The following JARID2 variants were observed in gnomAD, a reference collection of about 807,000 sequenced individuals.
JARID2 encodes jumonji and AT-rich interaction domain containing 2.
A neutral mutation model predicts 125.6 loss-of-function variants in JARID2; 21 were observed. The ratio of observed to expected loss-of-function variants is 0.17; its 90% CI spans 0.12 to 0.24. JARID2 has a LOEUF of 0.24. Ranked by LOEUF, JARID2 falls within the 10% of genes least tolerant of loss-of-function variation. The probability of loss-of-function intolerance (pLI) is 1.00; values close to 1 mark genes in which losing one functional copy is unlikely to be tolerated. For missense variants in JARID2, 1,303 were observed against 1,639.6 expected (o/e 0.79, Z 3.55); for synonymous variants, 736 against 661.6 (o/e 1.11, Z -1.73).
intron 1 of JARID2, among the ~76,000 whole-genome samples, chr6:15,319,984 C>A (rs554324847): frequency 2.0e-5 from 3 of 152,170 alleles, no homozygotes; most frequent in Admixed American, 2.0e-4. Flanking sequence ...TTCAGCCATA[C>A]GCTTGTTAGG....
At chr6:15,433,410 C>CTCTCTG (rs1241800597) in intron 3 of JARID2, among the ~76,000 whole-genome samples, 68 of 143,522 alleles carry the variant, frequency 4.7e-4, no homozygotes, top group African/African-American at 1.1e-3. Context: ...CCATGTCTCT[C>CTCTCTG]TGTGTGTGTG....
At chr6:15,349,648 T>C (rs1439251696) in intron 1 of JARID2, among the ~76,000 whole-genome samples, 1 of 152,042 alleles carries the variant, frequency 6.6e-6, no homozygotes, top group Non-Finnish European at 1.5e-5. Flanking sequence ...AAGGAAGGGA[T>C]TCCATGAAGG....
rs780593636 is a variant in JARID2 at position 15,496,672 on chromosome 6, G to C, written c.1447G>C (p.Gly483Arg). ...CCCGGCCGAGAGAGGTCTGCTGAACGGACACGTGAAGAAGGAAGTGCCGGA... is the reference window on the plus strand; with the variant it reads ...CCCGGCCGAGAGAGGTCTGCTGAACCGACACGTGAAGAAGGAAGTGCCGGA... The part of the protein sequence containing the change: ...KAPAERGLLN[G>R]HVKKEVPERS... The change falls in exon 7 of 18, where the codon GGA becomes CGA. Residue 483 changes from glycine to arginine, a missense_variant. This residue lies in a region of JARID2 where 651 missense variants were observed against 581.6 expected (regional missense o/e 1.12). Coordinates refer to ENST00000341776, the MANE Select transcript of JARID2 (RefSeq NM_004973.4). 4 of 1,612,904 alleles carry C rather than the reference G, an allele frequency of 2.5e-6. No homozygotes were observed. In the Admixed American group the frequency reaches 6.7e-5, roughly 27 times the overall value.
chr6:15,502,123 A>G (rs1770768708), intron 8 of JARID2, among the ~76,000 whole-genome samples: 1 of 152,206 alleles, frequency 6.6e-6, no homozygotes, highest in Non-Finnish European at 1.5e-5. Context: ...GCAAACTGAA[A>G]CATGCAGCGT....
At chr6:15,335,898 C>T (rs1403622682) in intron 1 of JARID2, among the ~76,000 whole-genome samples, 5 of 152,050 alleles carry the variant, frequency 3.3e-5, no homozygotes, top group African/African-American at 1.2e-4. Context: ...TGAGACCAGT[C>T]TGGGCAAAAC....
intron 4 of JARID2, among the ~76,000 whole-genome samples, chr6:15,465,081 T>A (rs1346376032): frequency 6.6e-6 from 1 of 152,210 alleles, no homozygotes; most frequent in Non-Finnish European, 1.5e-5. Flanking sequence ...GCAGGTCACA[T>A]CACATATTCG....
At chr6:15,491,904 G>A (rs763063424) in intron 6 of JARID2, among the ~76,000 whole-genome samples, 8 of 152,194 alleles carry the variant, frequency 5.3e-5, no homozygotes, top group Non-Finnish European at 1.0e-4. Flanking sequence ...AGGTAGGAAC[G>A]TTTGATGTCC....
chr6:15,308,796 T>G (rs1761919819), intron 1 of JARID2, among the ~76,000 whole-genome samples: 1 of 152,262 alleles, frequency 6.6e-6, no homozygotes, highest in African/African-American at 2.4e-5. Context: ...GACTTTTGCT[T>G]ACTGGTGAAA....
At chr6:15,442,151 G>T (rs1049360778) in intron 3 of JARID2, among the ~76,000 whole-genome samples, 1 of 151,164 alleles carries the variant, frequency 6.6e-6, no homozygotes, top group Non-Finnish European at 1.5e-5. Context: ...TCGCCTCACA[G>T]GGTCATTCCC....
At chr6:15,394,636 CT>C (rs1554131544) in intron 2 of JARID2, among the ~76,000 whole-genome samples, 1 of 150,914 alleles carries the variant, frequency 6.6e-6, no homozygotes, top group Non-Finnish European at 1.5e-5. Context: ...AAATCTTCTT[CT>C]TGAAGAAACC....
intron 1 of JARID2, among the ~76,000 whole-genome samples, chr6:15,295,657 G>GTTAT (rs1031064767): frequency 1.3e-4 from 20 of 151,696 alleles, no homozygotes; most frequent in African/African-American, 2.2e-4. Context: ...GCCACTTAGG[G>GTTAT]TTATTTATTT....
At chr6:15,378,877 A>G (rs2127523849) in intron 2 of JARID2, among the ~76,000 whole-genome samples, 1 of 152,312 alleles carries the variant, frequency 6.6e-6, no homozygotes, top group South Asian at 2.1e-4. Flanking sequence ...ATCTAATTTG[A>G]AAATAAAATA....
intron 4 of JARID2, among the ~76,000 whole-genome samples, chr6:15,459,188 A>AG (rs1768331081): frequency 6.6e-6 from 1 of 152,204 alleles, no homozygotes; most frequent in African/African-American, 2.4e-5. Flanking sequence ...TTGATACCTG[A>AG]GGCGATCATC....
At chr6:15,380,016 T>TA (rs1357600149) in intron 2 of JARID2, among the ~76,000 whole-genome samples, 369 of 35,250 alleles carry the variant, frequency 0.01, 4 homozygotes, top group African/African-American at 0.033. Context: ...GGTAAGTGGA[T>TA]TTTTTTTTTT....
intron 2 of JARID2, among the ~76,000 whole-genome samples, chr6:15,407,870 A>G (rs536502020): frequency 6.6e-6 from 1 of 152,274 alleles, no homozygotes; most frequent in African/African-American, 2.4e-5. Flanking sequence ...GGCATATAGT[A>G]TTTGTTAAGT....
chr6:15,354,462 C>T lies in JARID2; in HGVS notation c.46-19655C>T, dbSNP rs73726559. ...TGTTAACAGCAGCAACAGGAAATTA[C>T]TGCATACTTTAATGCTTTCTTTGTC... is the stretch of plus-strand genomic sequence containing the variant. On this transcript the variant is annotated intron_variant, in intron 1 of 17. Transcript: ENST00000341776. 9.6e-3 allele frequency among the ~76,000 whole-genome samples: 1,463 copies of T among 152,330 alleles called. 31 individuals are homozygous for T. Among genetic ancestry groups the T allele is most frequent in the African/African-American group, 0.032 (1,338 of 41,552 alleles).
intron 1 of JARID2, among the ~76,000 whole-genome samples, chr6:15,322,684 C>A (rs1363110180): frequency 6.6e-6 from 1 of 152,204 alleles, no homozygotes; most frequent in Non-Finnish European, 1.5e-5. Flanking sequence ...CCCAAAACTT[C>A]TCTCTTTAAG....
Position 15,501,909 on chromosome 6 carries a change from G to A in JARID2, c.2448+500G>A, listed in dbSNP as rs115479805. Among the ~76,000 whole-genome samples the A allele has an allele frequency of 4.9e-3, 753 of 152,278 alleles. 9 individuals are homozygous for A. The highest frequency in any genetic ancestry group is 0.017 in the African/African-American group (694 of 41,546). ...CCAGTTCCGTTTCATCCTGGTGCTC[G>A]ACAGCTGCCCAGATCCAGCTGAACT... On this transcript the variant is annotated intron_variant, in intron 8 of 17. Coordinates refer to ENST00000341776, the MANE Select transcript of JARID2 (RefSeq NM_004973.4).
At chr6:15,314,523 A>G (rs79645691) in intron 1 of JARID2, among the ~76,000 whole-genome samples, 165 of 152,366 alleles carry the variant, frequency 1.1e-3, no homozygotes, top group African/African-American at 3.8e-3. Flanking sequence ...TAGAGTTCTT[A>G]TAGGCAGGGC....
Sources: allele counts gnomAD v4.1 joint callset (sites outside exome capture counted in the v4.1 genomes callset), GRCh38; gene constraint gnomAD v4.1.1; regional missense constraint gnomAD v4.1.1; transcripts MANE v1.5; gene names NCBI Gene and HGNC (gene_info 2026-07-23, HGNC 2026-07-21).